PAK5: variants seen among roughly 807,000 people sequenced by gnomAD.
PAK5 encodes p21 (RAC1) activated kinase 5, also known as serine/threonine-protein kinase PAK 5.
In PAK5, 16 loss-of-function variants were observed where a neutral mutation model predicts 65.9. The observed-to-expected ratio is 0.24, with a 90% CI of 0.16 to 0.37. The LOEUF is 0.37. Ranked by LOEUF, PAK5 falls within the 10% of genes least tolerant of loss-of-function variation. The pLI is 1.00. For synonymous variants in PAK5, 371 were observed against 354.9 expected (o/e 1.05, Z -0.51); for missense variants, 785 against 903.9 (o/e 0.87, Z 1.69).
chr20:9,676,721 A>G (rs2047577447), intron 2 of PAK5, among the ~76,000 whole-genome samples: 1 of 152,198 alleles, frequency 6.6e-6, no homozygotes, highest in South Asian at 2.1e-4. Context: ...ATATGTACAT[A>G]TACATGAAAC....
intron 1 of PAK5, among the ~76,000 whole-genome samples, chr20:9,817,308 C>G (rs1305253001): frequency 6.6e-6 from 1 of 152,142 alleles, no homozygotes; most frequent in Non-Finnish European, 1.5e-5. Context: ...CAAGTCTACA[C>G]ATAGAAGAGC....
chr20:9,745,585 T>C (rs1938325358), intron 1 of PAK5, among the ~76,000 whole-genome samples: 1 of 152,154 alleles, frequency 6.6e-6, no homozygotes, highest in East Asian at 1.9e-4. Context: ...TCTATATTAT[T>C]TTCATGCGTT....
chr20:9,595,273 G>A (rs978904944), intron 3 of PAK5, among the ~76,000 whole-genome samples: 2 of 152,224 alleles, frequency 1.3e-5, no homozygotes, highest in South Asian at 4.1e-4. Context: ...GGGCACCTCT[G>A]GACATTATGC....
At chr20:9,716,158 T>TAA (rs35713086) in intron 1 of PAK5, among the ~76,000 whole-genome samples, 3,108 of 53,646 alleles carry the variant, frequency 0.058, 116 homozygotes, top group African/African-American at 0.22. Context: ...AAAAAAAAAT[T>TAA]AAAAAAAAAA....
intron 4 of PAK5, among the ~76,000 whole-genome samples, chr20:9,578,562 C>A (rs192361664): frequency 6.6e-6 from 1 of 152,276 alleles, no homozygotes; most frequent in East Asian, 1.9e-4. Context: ...TGCAAATAAG[C>A]CACACGCACA....
Position 9,539,064 on chromosome 20 carries a change from A to T in PAK5, c.*398T>A, listed in dbSNP as rs2045214819. Reference sequence around the variant, plus strand: ...ATTATACTGCTACCATTAAGAAAAAAGTGCTTTTTGTTTTCCTTTCTTTCT... The same window carrying T: ...ATTATACTGCTACCATTAAGAAAAATGTGCTTTTTGTTTTCCTTTCTTTCT... On this transcript the variant is annotated 3_prime_UTR_variant, in exon 10 of 10. Transcript: ENST00000353224. The T allele has an allele frequency of 4.2e-6, 1 of 236,648 alleles. No homozygotes were observed. Among genetic ancestry groups the T allele is most frequent in the African/African-American group, 2.2e-5 (1 of 45,142 alleles). 14.7% of individuals were successfully genotyped at this position (236,648 alleles called of 1,614,324 possible).
At chr20:9,698,153 C>A (rs2047893747) in intron 2 of PAK5, among the ~76,000 whole-genome samples, 1 of 152,112 alleles carries the variant, frequency 6.6e-6, no homozygotes, top group Middle Eastern at 3.4e-3. Flanking sequence ...GCTTAGAAAC[C>A]TTTCTGAGAA....
chr20:9,677,745 T>C (rs1425423925), intron 2 of PAK5, among the ~76,000 whole-genome samples: 2 of 152,200 alleles, frequency 1.3e-5, no homozygotes, highest in Admixed American at 6.5e-5. Context: ...CAACAGACCA[T>C]AATCGTAGTA....
chr20:9,577,315 A>T (rs1051431682), intron 4 of PAK5: 1 of 149,894 alleles, frequency 6.7e-6, no homozygotes, highest in Admixed American at 6.7e-5. Context: ...ACATTGAAGG[A>T]TTTTTTTTTT....
chr20:9,646,422 T>C lies in PAK5; in HGVS notation c.-11-2083A>G, dbSNP rs537691240. 1.4e-4 allele frequency among the ~76,000 whole-genome samples: 21 copies of C among 152,348 alleles called. 1 individual carries two copies. Among genetic ancestry groups the C allele is most frequent in the African/African-American group, 4.3e-4 (18 of 41,580 alleles). On this transcript the variant is annotated intron_variant, in intron 2 of 9. Coordinates refer to ENST00000353224, the MANE Select transcript of PAK5 (RefSeq NM_177990.4). ...AAAACGGATGAAAGAGTATAAGGACTTCAACTACCTTGATATATTACCTTT... is the reference window on the plus strand; with the variant it reads ...AAAACGGATGAAAGAGTATAAGGACCTCAACTACCTTGATATATTACCTTT...
intron 2 of PAK5, among the ~76,000 whole-genome samples, chr20:9,656,238 A>T (rs1185828011): frequency 6.6e-6 from 1 of 152,150 alleles, no homozygotes; most frequent in Non-Finnish European, 1.5e-5. Context: ...TGCCTGGCAC[A>T]TAGTAGATGA....
chr20:9,665,039 A>G (rs2047395582), intron 2 of PAK5, among the ~76,000 whole-genome samples: 1 of 146,890 alleles, frequency 6.8e-6, no homozygotes. Flanking sequence ...CCTCCCAAGT[A>G]GCTGGAACTA....
chr20:9,716,544 C>T (rs989527159), intron 1 of PAK5, among the ~76,000 whole-genome samples: 2 of 152,150 alleles, frequency 1.3e-5, no homozygotes, highest in African/African-American at 2.4e-5. Flanking sequence ...CATTATATTA[C>T]ATTTTCTATA....
intron 1 of PAK5, among the ~76,000 whole-genome samples, chr20:9,738,225 A>T (rs922495769): frequency 6.6e-6 from 1 of 151,624 alleles, no homozygotes; most frequent in Non-Finnish European, 1.5e-5. Context: ...GGGAATGGAA[A>T]ATTGTATAAC....
At chr20:9,746,517 C>T (rs2048509847) in intron 1 of PAK5, among the ~76,000 whole-genome samples, 1 of 152,114 alleles carries the variant, frequency 6.6e-6, no homozygotes, top group Non-Finnish European at 1.5e-5. Context: ...TTTGGACACC[C>T]ATGTAACAAC....
intron 4 of PAK5, among the ~76,000 whole-genome samples, chr20:9,579,736 A>G (rs930689639): frequency 3.3e-5 from 5 of 152,206 alleles, no homozygotes; most frequent in Non-Finnish European, 7.3e-5. Flanking sequence ...TAGCAGGTCT[A>G]TGCAAACTTT....
intron 2 of PAK5, among the ~76,000 whole-genome samples, chr20:9,709,411 T>A (rs2048050437): frequency 1.3e-5 from 2 of 152,162 alleles, no homozygotes; most frequent in African/African-American, 4.8e-5. Flanking sequence ...CCCACCAGCA[T>A]CCTGTACCAG....
At chr20:9,647,993 G>C (rs2123287843) in intron 2 of PAK5, among the ~76,000 whole-genome samples, 1 of 152,244 alleles carries the variant, frequency 6.6e-6, no homozygotes, top group Admixed American at 6.5e-5. Flanking sequence ...AGATCTTCTT[G>C]GCAGAATATT....
chr20:9,626,263 G>GA (rs1312273811), intron 3 of PAK5, among the ~76,000 whole-genome samples: 1 of 151,506 alleles, frequency 6.6e-6, no homozygotes, highest in South Asian at 2.1e-4. Flanking sequence ...AACAGAAAAA[G>GA]AAAAAAAAGA....
Sources: allele counts gnomAD v4.1 joint callset (sites outside exome capture counted in the v4.1 genomes callset), GRCh38; gene constraint gnomAD v4.1.1; transcripts MANE v1.5; gene names NCBI Gene and HGNC (gene_info 2026-07-23, HGNC 2026-07-21).